KCNH1: variants seen among roughly 807,000 people sequenced by gnomAD.
The protein encoded by KCNH1 is potassium voltage-gated channel subfamily H member 1, also known as voltage-gated delayed rectifier potassium channel KCNH1.
In KCNH1, 27 loss-of-function variants were observed where a neutral mutation model predicts 69.2. The ratio of observed to expected loss-of-function variants is 0.39; its 90% confidence interval spans 0.29 to 0.54. The LOEUF (loss-of-function observed/expected upper bound fraction) is 0.54, where lower values mean the gene tolerates loss of function less well. KCNH1 is among the 20% of genes least tolerant of loss of function. The pLI is 0.68. For missense variants in KCNH1, 798 were observed against 1,261.6 expected, an observed-to-expected ratio of 0.63 and a Z score of 5.57; for synonymous variants, 456 against 487.7, an observed-to-expected ratio of 0.93 and a Z score of 0.86.
chr1:210,761,124 C>T (rs1367200953), intron 10 of KCNH1, among the ~76,000 whole-genome samples: 1 of 148,972 alleles, frequency 6.7e-6, no homozygotes, highest in Non-Finnish European at 1.5e-5. Flanking sequence ...TAGTGGCGGG[C>T]GCCTGTAGTC....
chr1:210,856,064 C>T (rs1297634162), intron 7 of KCNH1, among the ~76,000 whole-genome samples: 1 of 152,148 alleles, frequency 6.6e-6, no homozygotes, highest in Non-Finnish European at 1.5e-5. Flanking sequence ...TTCAAATGTT[C>T]CTCCTTAGAA....
intron 1 of KCNH1, among the ~76,000 whole-genome samples, chr1:211,130,294 C>T (rs1326589030): frequency 6.6e-6 from 1 of 152,140 alleles, no homozygotes; most frequent in South Asian, 2.1e-4. Context: ...AGATAATTAT[C>T]AAATCTTTCC....
chr1:211,131,170 A>C (rs1006558016), intron 1 of KCNH1, among the ~76,000 whole-genome samples: 4 of 152,158 alleles, frequency 2.6e-5, no homozygotes, highest in African/African-American at 9.6e-5. Context: ...GGGGAAGGAG[A>C]GGCAGACTAG....
In KCNH1 at chr1:211,019,232, G is replaced by A. The variant is rs567525288; in HGVS notation, c.583C>T (p.Leu195Phe). The A allele has an allele frequency of 1.2e-6, 2 of 1,609,168 alleles. No individual in the cohort carries two copies. The highest frequency in any genetic ancestry group is 2.2e-5 in the East Asian group (1 of 44,854). The change falls in exon 6 of 11, where the codon CTT becomes TTT. Residue 195 changes from leucine to phenylalanine, a missense_variant. Transcript: ENST00000271751. ...GGTGCCTCTTGCTTGTACTGGGGAA[G>A]GATGTCTGAGCCCAGCTGTAGGACC... ...AEVLQLGSDI[L>F]PQYKQEAPKT...
At chr1:210,900,036 G>A (rs779266445) in intron 7 of KCNH1, among the ~76,000 whole-genome samples, 4 of 152,228 alleles carry the variant, frequency 2.6e-5, no homozygotes, top group African/African-American at 9.6e-5. Context: ...TAATTCGTTA[G>A]TCCTAAATGC....
chr1:210,750,033 G>A lies in KCNH1; in HGVS notation c.2112+25315C>T, dbSNP rs370358503. Among the ~76,000 whole-genome samples the A allele has an allele frequency of 2.0e-4, 30 of 152,242 alleles. No homozygotes were observed. In the East Asian group the frequency reaches 3.5e-3, roughly 18 times the overall value. On this transcript the variant is annotated intron_variant, in intron 10 of 10. Transcript: ENST00000271751. ...GCTGGGATTACAGGCGTGAGCCGCCGCGTCCAGCTGGCTGCTTGCTATCTT... is the reference window on the plus strand; with the variant it reads ...GCTGGGATTACAGGCGTGAGCCGCCACGTCCAGCTGGCTGCTTGCTATCTT...
chr1:210,928,064 A>G lies in KCNH1; in HGVS notation c.1033-7995T>C, dbSNP rs537497934. On this transcript the variant is annotated intron_variant, in intron 6 of 10. Transcript: ENST00000271751. ...ACTGGATCTCCCAAATTTATAAAAC[A>G]ATTACTACTAGACCTAAGAAATGAG... Among the ~76,000 whole-genome samples, 6 of 152,278 alleles carry G rather than the reference A, an allele frequency of 3.9e-5. No individual in the cohort carries two copies. In the East Asian group the frequency reaches 1.2e-3, roughly 29 times the overall value.
intron 6 of KCNH1, among the ~76,000 whole-genome samples, chr1:211,006,653 A>C (rs967419013): frequency 6.6e-6 from 1 of 152,204 alleles, no homozygotes; most frequent in Non-Finnish European, 1.5e-5. Context: ...ATTCATTAAA[A>C]AGCATATTTC....
intron 3 of KCNH1, among the ~76,000 whole-genome samples, chr1:211,096,047 C>CTTTA (rs536254644): frequency 0.014 from 1,714 of 125,132 alleles, 19 homozygotes; most frequent in Middle Eastern, 0.025. Context: ...AAAAGTATCA[C>CTTTA]TTTATTTATT....
At position 211,103,621 on chromosome 1, in the gene KCNH1, C is replaced by T. The variant is rs1357977620; in HGVS notation, c.204-19G>A. 6.7e-7 allele frequency: 1 copy of T among 1,495,222 alleles called. No homozygotes were observed. Among genetic ancestry groups the T allele is most frequent in the Non-Finnish European group, 9.3e-7 (1 of 1,077,382 alleles). 92.6% of individuals were successfully genotyped at this position (1,495,222 alleles called of 1,614,324 possible). On this transcript the variant is annotated intron_variant, in intron 2 of 10. Coordinates refer to ENST00000271751, the MANE Select transcript of KCNH1 (RefSeq NM_172362.3). ...CATAAAACTGCAAACAACCAAAGAA[C>T]TCAAGTTAGATTAAGAAGTATTCAT...
intron 5 of KCNH1, among the ~76,000 whole-genome samples, chr1:211,032,141 T>G (rs962983476): frequency 6.6e-6 from 1 of 152,186 alleles, no homozygotes; most frequent in Non-Finnish European, 1.5e-5. Context: ...AGCCAAATCA[T>G]GAGTGAACTC....
At chr1:210,842,399 C>T (rs1685430691) in intron 7 of KCNH1, among the ~76,000 whole-genome samples, 1 of 152,112 alleles carries the variant, frequency 6.6e-6, no homozygotes, top group Admixed American at 6.6e-5. Flanking sequence ...ACAGGGAACA[C>T]AGATGGTGAG....
intron 10 of KCNH1, among the ~76,000 whole-genome samples, chr1:210,707,069 G>A (rs949251187): frequency 7.3e-5 from 11 of 151,026 alleles, no homozygotes; most frequent in Admixed American, 3.3e-4. Flanking sequence ...GTGTGTGTGC[G>A]CGCGCACGTG....
chr1:210,798,449 T>C (rs192988817), intron 8 of KCNH1, among the ~76,000 whole-genome samples: 5 of 152,184 alleles, frequency 3.3e-5, no homozygotes, highest in South Asian at 2.1e-4. Context: ...ACTTGAGCAA[T>C]AGCCAAAAGG....
intron 5 of KCNH1, among the ~76,000 whole-genome samples, chr1:211,022,464 A>C (rs1689603271): frequency 6.6e-6 from 1 of 152,208 alleles, no homozygotes; most frequent in Admixed American, 6.5e-5. Flanking sequence ...CAAGGCAAAA[A>C]TAGCCAAATA....
At chr1:210,704,262 G>C (rs1681849419) in intron 10 of KCNH1, among the ~76,000 whole-genome samples, 1 of 152,146 alleles carries the variant, frequency 6.6e-6, no homozygotes, top group South Asian at 2.1e-4. Flanking sequence ...GAGGGTCCTT[G>C]ACTTCCTGGC....
chr1:210,761,520 C>T (rs1453550810), intron 10 of KCNH1, among the ~76,000 whole-genome samples: 3 of 152,092 alleles, frequency 2.0e-5, no homozygotes, highest in Non-Finnish European at 4.4e-5. Flanking sequence ...TAATGACACC[C>T]ACAGACTCAA....
At chr1:210,921,961 T>C (rs560818290) in intron 6 of KCNH1, among the ~76,000 whole-genome samples, 1 of 152,328 alleles carries the variant, frequency 6.6e-6, no homozygotes, top group East Asian at 1.9e-4. Context: ...GGAGCCCCTC[T>C]GTCATGTGAA....
chr1:210,770,489 G>C (rs1683733350), intron 10 of KCNH1, among the ~76,000 whole-genome samples: 1 of 152,266 alleles, frequency 6.6e-6, no homozygotes, highest in South Asian at 2.1e-4. Flanking sequence ...CTGGTCAGCA[G>C]TCAAATCAGT....
Sources: gnomAD v4.1 joint callset for allele counts (sites outside exome capture counted in the v4.1 genomes callset) on GRCh38, gnomAD v4.1.1 for gene constraint, MANE v1.5 for transcripts, NCBI Gene and HGNC (gene_info 2026-07-23, HGNC 2026-07-21) for gene names.